KIR3DL2: variants seen among roughly 807,000 people sequenced by gnomAD.
The protein encoded by KIR3DL2 is killer cell immunoglobulin-like receptor 3DL2.
In KIR3DL2, 42 loss-of-function variants were observed where a neutral mutation model predicts 41.6. The observed-to-expected ratio is 1.01, with a 90% confidence interval of 0.79 to 1.31. The LOEUF (loss-of-function observed/expected upper bound fraction) is 1.31, where lower values mean the gene tolerates loss of function less well. Among genes scored for constraint, KIR3DL2 ranks in the 50% most tolerant of loss-of-function variants. KIR3DL2 has a pLI of 0.00. For synonymous variants in KIR3DL2, 230 were observed against 221.3 expected, an observed-to-expected ratio of 1.04 and a Z score of -0.35; for missense variants, 728 against 576.8, an observed-to-expected ratio of 1.26 and a Z score of -2.68.
chr19:54,850,769 ATGGGCCTGCAGGTGGAGATC>A (rs2064138679), intron 1 of KIR3DL2, among the ~76,000 whole-genome samples: 42 of 89,162 alleles, frequency 4.7e-4, no homozygotes, highest in African/African-American at 1.1e-3. Flanking sequence ...GAGTGGAGAT[ATGGGCCTGCAGGTGGAGATC>A]TGGGCCTGGA....
intron 6 of KIR3DL2, among the ~76,000 whole-genome samples, chr19:54,863,770 G>C (rs541051626): frequency 6.6e-6 from 1 of 152,096 alleles, no homozygotes; most frequent in African/African-American, 2.4e-5. Context: ...TTTGTCAGAT[G>C]AGTAGGTTGC....
At chr19:54,862,641 A>G (rs1044170410) in intron 6 of KIR3DL2, among the ~76,000 whole-genome samples, 7 of 151,830 alleles carry the variant, frequency 4.6e-5, no homozygotes, top group African/African-American at 7.3e-5. Context: ...TTGTACCCTG[A>G]AGCCACAGGA....
In KIR3DL2 at chr19:54,851,201, T is replaced by C. The variant is rs1484277414; in HGVS notation, c.35-19T>C. 2 of 1,610,374 alleles carry C rather than the reference T, an allele frequency of 1.2e-6. No individual in the cohort carries two copies. Among genetic ancestry groups the C allele is most frequent in the African/African-American group, 1.3e-5 (1 of 74,104 alleles). ...GGTTTGCCTGCAGTTGGATCGTCTATCATGATCTTTCTTTCCAGGGTTCTT... is the reference window on the plus strand; with the variant it reads ...GGTTTGCCTGCAGTTGGATCGTCTACCATGATCTTTCTTTCCAGGGTTCTT... On this transcript the variant is annotated intron_variant, in intron 1 of 8. Transcript: ENST00000326321.
At position 54,865,872 on chromosome 19, in the gene KIR3DL2, C is replaced by T. The variant is rs372571108; in HGVS notation, c.1068C>T (p.Leu356=). 13 of 1,613,648 alleles carry T rather than the reference C, an allele frequency of 8.1e-6. No individual in the cohort carries two copies. The highest frequency in any genetic ancestry group is 1.1e-5 in the Non-Finnish European group (13 of 1,179,800). The part of the protein sequence containing the change: ...SVVIFLFILL[L]FFLLYRWCSN... Reference sequence around the variant, plus strand: ...TCATCTTCCTCTTCATCCTCCTCCTCTTCTTTCTCCTTTATCGCTGGTGCT... The same window carrying T: ...TCATCTTCCTCTTCATCCTCCTCCTTTTCTTTCTCCTTTATCGCTGGTGCT... Residue 356 remains leucine (L), a synonymous_variant, in exon 7 of 9, where the codon CTC becomes CTT. Transcript: ENST00000326321.
At chr19:54,863,190 AT>A (rs1386391655) in intron 6 of KIR3DL2, among the ~76,000 whole-genome samples, 3 of 151,542 alleles carry the variant, frequency 2.0e-5, no homozygotes, top group African/African-American at 4.8e-5. Flanking sequence ...TGAACTCATC[AT>A]TTTTTATGGC....
intron 4 of KIR3DL2, among the ~76,000 whole-genome samples, chr19:54,854,366 T>C (rs2064561153): frequency 6.6e-6 from 1 of 151,712 alleles, no homozygotes; most frequent in Admixed American, 6.6e-5. Context: ...CTGGCACAGG[T>C]TAGAAGTTTC....
In KIR3DL2 at chr19:54,866,809, C is replaced by T. The variant is rs1472540220; in HGVS notation, c.*78C>T. On this transcript the variant is annotated 3_prime_UTR_variant, in exon 9 of 9. Transcript: ENST00000326321. ...GCTGGAATCTGAAGGCATCAGTCTG[C>T]ATCTTAGGGGATCGCTCTTCCTCAC... 5 of 1,453,398 alleles carry T rather than the reference C, an allele frequency of 3.4e-6. No individual in the cohort carries two copies. In the East Asian group the frequency reaches 9.1e-5, roughly 26 times the overall value. 90.0% of individuals were successfully genotyped at this position (1,453,398 alleles called of 1,614,324 possible). A position where few individuals can be genotyped will look rare whatever the true frequency, so the allele number is the denominator to read the frequency against.
chr19:54,856,633 G>A (rs755593705), intron 5 of KIR3DL2, among the ~76,000 whole-genome samples: 114 of 152,108 alleles, frequency 7.5e-4, no homozygotes, highest in Admixed American at 2.0e-3. Context: ...GCACTGAGCC[G>A]AGATCATGCC....
intron 5 of KIR3DL2, 51 bp from the exon 6 acceptor site, chr19:54,859,028 T>C (rs2064991548): frequency 6.4e-7 from 1 of 1,565,962 alleles, no homozygotes; most frequent in East Asian, 2.2e-5. Flanking sequence ...TTCCATTGAG[T>C]AGAGGACAAG....
chr19:54,854,043 A>C lies in KIR3DL2; in HGVS notation c.652A>C (p.Thr218Pro), dbSNP rs751693701. 10 of 1,612,550 alleles carry C rather than the reference A, an allele frequency of 6.2e-6. 1 individual carries two copies. The Admixed American group carries it at 1.7e-4, about 27-fold the overall frequency. Residue 218 changes from threonine (T) to proline (P), a missense_variant, in exon 4 of 9, where the codon ACA (threonine) becomes CCA (proline). Transcript: ENST00000326321. ...CAGTGACCCCCTGGACATCGTGATC[A>C]CAGGTGAGAGTGTCCAGACATTCTT... is the stretch of plus-strand genomic sequence containing the variant. ...APSDPLDIVI[T>P]GLYEKPSLSA...
chr19:54,852,946 A>G (rs1415108042), intron 3 of KIR3DL2, among the ~76,000 whole-genome samples: 1 of 151,030 alleles, frequency 6.6e-6, no homozygotes, highest in African/African-American at 2.5e-5. Context: ...AGGACAAGCT[A>G]GGAAACCAAA....
intron 3 of KIR3DL2, 141 bp downstream of exon 3, chr19:54,852,423 T>C (rs112178450): frequency 0.92 from 985,120 of 1,075,500 alleles, 451,318 homozygotes; most frequent in East Asian, 0.99. Context: ...GGGAAATGGG[T>C]GCTGTGGTGG....
Position 54,850,502 on chromosome 19 carries a change from G to C in KIR3DL2, c.27G>C (p.Ala9=), listed in dbSNP as rs200259432. The change falls in exon 1 of 9, where the codon GCG becomes GCC. Residue 9 remains alanine, a synonymous_variant. Transcript: ENST00000326321. The part of the protein sequence containing the change: MSLTVVSM[A]CVGFFLLQGA... Reference sequence around the variant, plus strand: ...TGTCGCTCACGGTCGTCAGCATGGCGTGCGTTGGTGAGTCCTGGAAGGGAA... The same window carrying C: ...TGTCGCTCACGGTCGTCAGCATGGCCTGCGTTGGTGAGTCCTGGAAGGGAA... 2.2e-5 allele frequency: 35 copies of C among 1,608,820 alleles called. No homozygotes were observed. In the Admixed American group the frequency reaches 4.8e-4, roughly 22 times the overall value.
At chr19:54,861,328 G>C (rs1467015632) in intron 6 of KIR3DL2, among the ~76,000 whole-genome samples, 2 of 151,970 alleles carry the variant, frequency 1.3e-5, no homozygotes, top group Non-Finnish European at 2.9e-5. Context: ...ATGAGGGGTG[G>C]TGCAAATGAA....
intron 1 of KIR3DL2, 80 bp from the exon 2 acceptor site, chr19:54,851,140 A>G: frequency 6.4e-7 from 1 of 1,561,370 alleles, no homozygotes; most frequent in South Asian, 1.1e-5. Flanking sequence ...CCTGGCTGCC[A>G]AGACACACAG....
At position 54,867,001 on chromosome 19, in the gene KIR3DL2, G is replaced by T. The variant is rs545455893; in HGVS notation, c.*270G>T. The T allele has an allele frequency of 2.9e-5, 15 of 524,876 alleles. No homozygotes were observed. In the East Asian group the frequency reaches 4.7e-4, roughly 17 times the overall value. 32.5% of individuals were successfully genotyped at this position (524,876 alleles called of 1,614,324 possible). A position where few individuals can be genotyped will look rare whatever the true frequency, so the allele number is the denominator to read the frequency against. On this transcript the variant is annotated 3_prime_UTR_variant, in exon 9 of 9. Transcript: ENST00000326321. ...TTACTTCCTAGTCCTACTTGAGGCTGCAATCACACTGAGGAACTCACAATT... is the reference window on the plus strand; with the variant it reads ...TTACTTCCTAGTCCTACTTGAGGCTTCAATCACACTGAGGAACTCACAATT...
chr19:54,863,971 A>C (rs2065346200), intron 6 of KIR3DL2, among the ~76,000 whole-genome samples: 2 of 152,058 alleles, frequency 1.3e-5, no homozygotes, highest in Admixed American at 6.5e-5. Context: ...GTTTTCTTCT[A>C]GGGTTTTTAT....
chr19:54,852,746 G>A (rs1447757547), intron 3 of KIR3DL2, among the ~76,000 whole-genome samples: 3 of 150,638 alleles, frequency 2.0e-5, no homozygotes, highest in Non-Finnish European at 2.9e-5. Flanking sequence ...GGCTGGAGAA[G>A]TCAAGAGAAC....
intron 4 of KIR3DL2, 124 bp from the exon 5 acceptor site, chr19:54,855,495 G>A: frequency 1.4e-6 from 2 of 1,397,470 alleles, no homozygotes; most frequent in South Asian, 1.4e-5. Flanking sequence ...GAGAGTTGGG[G>A]TGGAGGGTGA....
Sources: allele counts gnomAD v4.1 joint callset (sites outside exome capture counted in the v4.1 genomes callset), GRCh38; gene constraint gnomAD v4.1.1; transcripts MANE v1.5; gene names NCBI Gene and HGNC (gene_info 2026-07-23, HGNC 2026-07-21).